The following ZC4H2 variants were observed in gnomAD, a reference collection of about 807,000 sequenced individuals.
The protein encoded by ZC4H2 is zinc finger C4H2-type containing.
For missense variants in ZC4H2, 137 were observed against 173.9 expected, an observed-to-expected ratio of 0.79 and a Z score of 1.19; for synonymous variants, 84 against 66.3, an observed-to-expected ratio of 1.27 and a Z score of -1.30.
chrX:65,026,142 T>C (rs1932876487), intron 1 of ZC4H2, among the ~76,000 whole-genome samples: 1 of 111,972 alleles, frequency 8.9e-6, no homozygotes, highest in Non-Finnish European at 1.9e-5. Context: ...TTATTAAATC[T>C]GACCTAATCA....
intron 1 of ZC4H2, among the ~76,000 whole-genome samples, chrX:64,989,904 G>A (rs987499264): frequency 1.7e-4 from 19 of 111,582 alleles, no homozygotes; most frequent in African/African-American, 5.9e-4. Context: ...ACAGAGAAAC[G>A]GAGTCACTAA....
At chrX:64,995,029 GAAGGA>G (rs1932384232) in intron 1 of ZC4H2, among the ~76,000 whole-genome samples, 1 of 107,422 alleles carries the variant, frequency 9.3e-6, no homozygotes, top group Non-Finnish European at 1.9e-5. Flanking sequence ...GCCAAAGTCA[GAAGGA>G]AATTACAAAA....
At chrX:65,030,006 T>G (rs905103566) in intron 1 of ZC4H2, among the ~76,000 whole-genome samples, 3 of 112,365 alleles carry the variant, frequency 2.7e-5, no homozygotes, top group Admixed American at 1.9e-4. Context: ...CAGAGGAGCT[T>G]AAATGGAAAC....
intron 1 of ZC4H2, among the ~76,000 whole-genome samples, chrX:64,948,887 C>A (rs983094404): frequency 1.8e-5 from 2 of 111,941 alleles, no homozygotes; most frequent in African/African-American, 6.5e-5. Context: ...GTAAACGTTT[C>A]ACCAAGTTGT....
chrX:64,996,541 T>C lies in ZC4H2; in HGVS notation c.-272+38088A>G, dbSNP rs777808060. Among the ~76,000 whole-genome samples, 4 of 111,753 alleles carry C rather than the reference T, an allele frequency of 3.6e-5. No homozygotes were observed. The Admixed American group carries it at 3.8e-4, about 11-fold the overall frequency. On this transcript the variant is annotated intron_variant, in intron 1 of 4. Coordinates refer to the ZC4H2 transcript ENST00000337990. ...AACAAAGACTTTAACACAACTGTCA[T>C]AAATATGCTAAAAGAACTAAAGGAA...
chrX:65,031,167 T>A (rs1313946563), intron 1 of ZC4H2, among the ~76,000 whole-genome samples: 4 of 112,137 alleles, frequency 3.6e-5, no homozygotes, highest in African/African-American at 1.3e-4. Context: ...TGGCATGGCA[T>A]ACAAGGCATT....
At chrX:64,935,700 C>A (rs1399912092) in intron 1 of ZC4H2, among the ~76,000 whole-genome samples, 1 of 111,930 alleles carries the variant, frequency 8.9e-6, no homozygotes, top group Non-Finnish European at 1.9e-5. Flanking sequence ...GAGTGGACCT[C>A]CAGCAAATTC....
chrX:65,016,711 T>A (rs1402990231), intron 1 of ZC4H2, among the ~76,000 whole-genome samples: 2 of 112,108 alleles, frequency 1.8e-5, no homozygotes, highest in African/African-American at 6.5e-5. Flanking sequence ...GAGCATCATG[T>A]TATTATTAGT....
chrX:64,928,671 T>TCTTC (rs1555935524), intron 1 of ZC4H2, among the ~76,000 whole-genome samples: 4 of 100,381 alleles, frequency 4.0e-5, no homozygotes, highest in Admixed American at 1.1e-4. Flanking sequence ...TTCTTCTTCT[T>TCTTC]CTTCTTCTTC....
At chrX:64,975,421 C>T (rs1438482980) in intron 1 of ZC4H2, among the ~76,000 whole-genome samples, 1 of 111,746 alleles carries the variant, frequency 8.9e-6, no homozygotes, top group Non-Finnish European at 1.9e-5. Context: ...ACACACTTGA[C>T]ATCTTCCACC....
intron 1 of ZC4H2, among the ~76,000 whole-genome samples, chrX:64,999,710 G>T (rs1391982498): frequency 8.9e-6 from 1 of 112,411 alleles, no homozygotes; most frequent in Non-Finnish European, 1.9e-5. Flanking sequence ...TCTCACACCA[G>T]CACAGCAGTC....
chrX:65,007,819 A>G (rs1932692162), intron 1 of ZC4H2, among the ~76,000 whole-genome samples: 4 of 112,146 alleles, frequency 3.6e-5, no homozygotes. Flanking sequence ...ATTAAATGGG[A>G]TTAAATATTC....
chrX:64,962,060 T>A (rs2147404764), intron 1 of ZC4H2, among the ~76,000 whole-genome samples: 1 of 111,778 alleles, frequency 8.9e-6, no homozygotes, highest in South Asian at 3.7e-4. Context: ...AAACTCATTT[T>A]ATGAGCCTAG....
intron 1 of ZC4H2, among the ~76,000 whole-genome samples, chrX:64,952,902 C>T (rs901652800): frequency 7.2e-5 from 8 of 111,390 alleles, no homozygotes; most frequent in Admixed American, 1.9e-4. Context: ...GGAGGCATCA[C>T]GCTACCTGAC....
chrX:64,976,290 G>A (rs1310809486), intron 1 of ZC4H2, 35 bp downstream of exon 1: 3 of 1,199,688 alleles, frequency 2.5e-6, no homozygotes, highest in Non-Finnish European at 3.4e-6. Context: ...CGAAGGGTTG[G>A]AGAGGGGCGG....
chrX:65,030,855 G>T (rs1357947798), intron 1 of ZC4H2, among the ~76,000 whole-genome samples: 1 of 111,341 alleles, frequency 9.0e-6, no homozygotes, highest in African/African-American at 3.3e-5. Context: ...ACCCTGGTCT[G>T]CCTTTAGCAA....
intron 1 of ZC4H2, among the ~76,000 whole-genome samples, chrX:64,958,636 AT>A (rs1026669331): frequency 9.1e-6 from 1 of 109,684 alleles, no homozygotes; most frequent in Non-Finnish European, 1.9e-5. Flanking sequence ...TGTCTCAGTA[AT>A]TTTTTTTTGG....
intron 1 of ZC4H2, among the ~76,000 whole-genome samples, chrX:64,981,899 C>T (rs1932088705): frequency 9.0e-6 from 1 of 111,068 alleles, no homozygotes; most frequent in African/African-American, 3.3e-5. Flanking sequence ...GCTAGGTATT[C>T]TCAGGCAATG....
chrX:64,973,466 C>T (rs188401542), intron 1 of ZC4H2, among the ~76,000 whole-genome samples: 1 of 109,612 alleles, frequency 9.1e-6, no homozygotes, highest in Non-Finnish European at 1.9e-5. Context: ...TTACAATCCC[C>T]TTTACATTCC....
Sources: allele counts gnomAD v4.1 joint callset (sites outside exome capture counted in the v4.1 genomes callset), GRCh38; gene constraint gnomAD v4.1.1; transcripts MANE v1.5; gene names NCBI Gene and HGNC (gene_info 2026-07-23, HGNC 2026-07-21).